Variants in ADGRB3 observed in about 807,000 individuals in gnomAD.
ADGRB3 encodes the protein adhesion G protein-coupled receptor B3, also known as brain-specific angiogenesis inhibitor 3.
ADGRB3 carries 37 observed loss-of-function variants against 193.4 expected under a neutral mutation model. That is an observed-to-expected ratio of 0.19 (90% CI 0.15 to 0.25). The LOEUF (loss-of-function observed/expected upper bound fraction) is 0.25. ADGRB3 is among the 10% of genes least tolerant of loss of function. The pLI, the probability that ADGRB3 is intolerant of heterozygous loss-of-function variation, is 1.00. For synonymous variants in ADGRB3, 690 were observed against 644.2 expected (o/e 1.07, Z -1.08); for missense variants, 1,637 against 1,852.9 (o/e 0.88, Z 2.14).
chr6:68,727,721 T>G (rs1015630620), intron 3 of ADGRB3, among the ~76,000 whole-genome samples: 2 of 151,542 alleles, frequency 1.3e-5, no homozygotes, highest in Admixed American at 1.3e-4. Context: ...CCATGTGAAA[T>G]TTGGGGCTTT....
intron 17 of ADGRB3, 109 bp downstream of exon 17, chr6:69,076,147 ATTC>A: frequency 2.3e-6 from 2 of 882,154 alleles, no homozygotes; most frequent in Admixed American, 2.6e-5. Context: ...GGGATGTTGC[ATTC>A]AGAGAAAAAA....
At chr6:69,158,220 C>G (rs543189685) in intron 17 of ADGRB3, among the ~76,000 whole-genome samples, 78 of 151,402 alleles carry the variant, frequency 5.2e-4, no homozygotes, top group Non-Finnish European at 6.2e-4. Context: ...TTTATTTTCC[C>G]CCTCACACCT....
intron 20 of ADGRB3, among the ~76,000 whole-genome samples, chr6:69,305,793 T>G (rs1055465207): frequency 1.3e-5 from 2 of 151,424 alleles, no homozygotes; most frequent in Non-Finnish European, 2.9e-5. Flanking sequence ...TATTCTATTA[T>G]CATTGATTCT....
chr6:68,857,575 G>A (rs1765023585), intron 3 of ADGRB3, among the ~76,000 whole-genome samples: 1 of 152,128 alleles, frequency 6.6e-6, no homozygotes, highest in Admixed American at 6.6e-5. Context: ...CTGCATTTAG[G>A]CAATGTCTCT....
intron 5 of ADGRB3, among the ~76,000 whole-genome samples, chr6:68,941,650 TAGG>T (rs1767645332): frequency 7.1e-6 from 1 of 141,392 alleles, no homozygotes; most frequent in Non-Finnish European, 1.5e-5. Flanking sequence ...GAGGAGAAAA[TAGG>T]AGGAGAAAAG....
At chr6:69,301,056 T>A (rs758497847) in intron 20 of ADGRB3, among the ~76,000 whole-genome samples, 76 of 151,842 alleles carry the variant, frequency 5.0e-4, no homozygotes, top group Non-Finnish European at 7.4e-4. Context: ...TTTTTTTCAA[T>A]AAACATATCG....
At chr6:68,857,598 T>C (rs1318806038) in intron 3 of ADGRB3, among the ~76,000 whole-genome samples, 1 of 152,198 alleles carries the variant, frequency 6.6e-6, no homozygotes, top group Non-Finnish European at 1.5e-5. Flanking sequence ...ACCTGCATTG[T>C]ATCTAGGAAG....
intron 27 of ADGRB3, 120 bp from the exon 28 acceptor site, chr6:69,355,701 A>G (rs1769323564): frequency 1.2e-6 from 1 of 823,234 alleles, no homozygotes; most frequent in Non-Finnish European, 2.0e-6. Flanking sequence ...TCCTATGAAC[A>G]AAACAATAAA....
intron 17 of ADGRB3, among the ~76,000 whole-genome samples, chr6:69,134,876 G>A (rs1482326): frequency 0.28 from 43,011 of 151,814 alleles, 8,138 homozygotes; most frequent in East Asian, 0.84. Flanking sequence ...GAATTGAAGA[G>A]CAACATCTCC....
At chr6:68,775,697 C>T (rs1044873590) in intron 3 of ADGRB3, among the ~76,000 whole-genome samples, 12 of 152,200 alleles carry the variant, frequency 7.9e-5, no homozygotes, top group Middle Eastern at 3.4e-3. Flanking sequence ...TTGTGTTTTA[C>T]GTCTCCTTTT....
rs184356742 is a variant in ADGRB3, at chr6:68,828,934, G to A, written c.758-101625G>A. 1.3e-3 allele frequency among the ~76,000 whole-genome samples: 203 copies of A among 152,094 alleles called. 3 individuals are homozygous for A. The highest frequency in any genetic ancestry group is 1.2e-3 in the Non-Finnish European group (81 of 67,988). ...ATAAAATAGCATATTAATTTTCACA[G>A]AAGGAAATTAGCTATTATCTTATAA... On this transcript the variant is annotated intron_variant, in intron 3 of 31. Transcript: ENST00000370598.
chr6:69,146,760 G>A (rs1774508064), intron 17 of ADGRB3, among the ~76,000 whole-genome samples: 1 of 150,046 alleles, frequency 6.7e-6, no homozygotes, highest in Non-Finnish European at 1.5e-5. Flanking sequence ...TAGTGAAGCT[G>A]TCAAGTCCTG....
At chr6:69,333,059 C>T in intron 24 of ADGRB3, 51 bp downstream of exon 24, 2 of 1,572,828 alleles carry the variant, frequency 1.3e-6, no homozygotes, top group Non-Finnish European at 1.7e-6. Context: ...GAATCCCATA[C>T]TCCAATTTCA....
At chr6:69,094,235 C>T (rs192975533) in intron 17 of ADGRB3, among the ~76,000 whole-genome samples, 1 of 152,242 alleles carries the variant, frequency 6.6e-6, no homozygotes, top group South Asian at 2.1e-4. Flanking sequence ...CTGTACAACA[C>T]CTTCTCCATG....
chr6:69,070,329 T>C (rs1238315780), intron 16 of ADGRB3, among the ~76,000 whole-genome samples: 1 of 152,200 alleles, frequency 6.6e-6, no homozygotes, highest in African/African-American at 2.4e-5. Flanking sequence ...TTTAAGCAAT[T>C]GTATTTGTAG....
chr6:69,108,284 A>G (rs1240081967), intron 17 of ADGRB3, among the ~76,000 whole-genome samples: 2 of 152,148 alleles, frequency 1.3e-5, no homozygotes, highest in African/African-American at 4.8e-5. Context: ...GGTTTACCTA[A>G]GTTTTCAGAT....
At chr6:69,093,238 C>T (rs529668972) in intron 17 of ADGRB3, among the ~76,000 whole-genome samples, 108 of 146,710 alleles carry the variant, frequency 7.4e-4, no homozygotes, top group Non-Finnish European at 1.5e-3. Flanking sequence ...GGGCAGCCTG[C>T]GTCCAGGGAA....
chr6:69,210,183 T>TATA (rs1554170425), intron 17 of ADGRB3, among the ~76,000 whole-genome samples: 2 of 135,820 alleles, frequency 1.5e-5, no homozygotes, highest in African/African-American at 2.9e-5. Flanking sequence ...GGGGAGTTTA[T>TATA]TAAATATTAA....
At chr6:68,999,672 T>A (rs1769508771) in intron 11 of ADGRB3, among the ~76,000 whole-genome samples, 1 of 152,194 alleles carries the variant, frequency 6.6e-6, no homozygotes, top group African/African-American at 2.4e-5. Flanking sequence ...AGATTAAATT[T>A]TTTTCTACTT....
Sources: allele counts gnomAD v4.1 joint callset (sites outside exome capture counted in the v4.1 genomes callset), GRCh38; gene constraint gnomAD v4.1.1; transcripts MANE v1.5; gene names NCBI Gene and HGNC (gene_info 2026-07-23, HGNC 2026-07-21).